The following TRMT11 variants were observed in gnomAD, a reference collection of about 807,000 sequenced individuals.
TRMT11 encodes the protein tRNA methyltransferase 11.
Under a neutral mutation model 62.8 loss-of-function variants are expected in TRMT11, and 53 were observed. The ratio of observed to expected loss-of-function variants is 0.84; its 90% CI spans 0.68 to 1.06. The LOEUF is 1.06. Ranked by LOEUF, TRMT11 falls within the 50% of genes least tolerant of loss-of-function variation. The pLI, the probability that TRMT11 is intolerant of heterozygous loss-of-function variation, is 0.00. For synonymous variants in TRMT11, 188 were observed against 190.3 expected, an observed-to-expected ratio of 0.99 and a Z score of 0.10; for missense variants, 556 against 553.4, an observed-to-expected ratio of 1.00 and a Z score of -0.05.
intron 11 of TRMT11, among the ~76,000 whole-genome samples, chr6:126,017,824 A>G (rs546359172): frequency 4.6e-5 from 7 of 152,354 alleles, no homozygotes; most frequent in Admixed American, 4.6e-4. Flanking sequence ...CTACTTACAA[A>G]TGACCCAGAT....
intron 17 of TRMT11, among the ~76,000 whole-genome samples, chr6:126,077,666 T>C (rs550193513): frequency 6.6e-6 from 1 of 152,316 alleles, no homozygotes; most frequent in African/African-American, 2.4e-5. Context: ...ACAACATCTG[T>C]TGTCAACCAA....
chr6:126,011,109 G>C (rs1320520387), intron 8 of TRMT11, 144 bp from the exon 9 acceptor site: 6 of 601,998 alleles, frequency 1.0e-5, no homozygotes, highest in Non-Finnish European at 1.7e-5. Context: ...CTATTTACTT[G>C]TATACATAAA....
intron 11 of TRMT11, among the ~76,000 whole-genome samples, chr6:126,016,332 G>A (rs1454458276): frequency 6.6e-6 from 1 of 152,128 alleles, no homozygotes; most frequent in Non-Finnish European, 1.5e-5. Context: ...TGCTCAAATT[G>A]TCCCAGATTT....
In TRMT11 at chr6:126,061,440, A is replaced by G. The variant is rs1776532577; in HGVS notation, c.*1437+8250A>G. Among the ~76,000 whole-genome samples, 4 of 152,296 alleles carry G rather than the reference A, an allele frequency of 2.6e-5. No homozygotes were observed. The South Asian group carries it at 8.3e-4, about 32-fold the overall frequency. On this transcript the variant is annotated intron_variant and NMD_transcript_variant, in intron 17 of 22. Coordinates refer to the TRMT11 transcript ENST00000648977. ...AGTAAAATGGCCTGCTTTCTCTGAA[A>G]TCATTTGTCTTGCCTCTCAGTAAAT...
At chr6:126,009,440 G>T (rs1177123502) in intron 8 of TRMT11, 1 of 151,974 alleles carries the variant, frequency 6.6e-6, no homozygotes, top group Non-Finnish European at 1.5e-5. Flanking sequence ...TAATGGTATT[G>T]AAAATGTCAT....
intron 21 of TRMT11, among the ~76,000 whole-genome samples, chr6:126,127,003 C>T (rs978237167): frequency 1.3e-5 from 2 of 152,076 alleles, no homozygotes; most frequent in Admixed American, 6.6e-5. Flanking sequence ...CTAATTTCTT[C>T]AAGAGATATA....
At chr6:126,082,943 AT>A (rs1244615522) in intron 17 of TRMT11, among the ~76,000 whole-genome samples, 3 of 152,184 alleles carry the variant, frequency 2.0e-5, no homozygotes, top group African/African-American at 4.8e-5. Flanking sequence ...TGAGAAAAAA[AT>A]ATTTGCAAAC....
chr6:126,024,002 A>G lies in TRMT11; in HGVS notation c.1260+2722A>G, dbSNP rs370884397. Among the ~76,000 whole-genome samples the G allele has an allele frequency of 2.6e-5, 4 of 152,264 alleles. No homozygotes were observed. The South Asian group carries it at 6.2e-4, about 24-fold the overall frequency. On this transcript the variant is annotated intron_variant, in intron 12 of 12. Coordinates refer to ENST00000334379, the MANE Select transcript of TRMT11 (RefSeq NM_001031712.3). ...TTGAATTGGAAATGGCTTTGAAAAA[A>G]GTAATTGCAATCTAGGTTTTTGCAC...
rs1434313970 is a variant in TRMT11 at position 126,089,347 on chromosome 6, C to T, written c.*1438-23519C>T. Among the ~76,000 whole-genome samples, 5 of 152,104 alleles carry T rather than the reference C, an allele frequency of 3.3e-5. No individual in the cohort carries two copies. In the East Asian group the frequency reaches 5.8e-4, roughly 18 times the overall value. ...CAGGCTGGTCTTGAACTCCTGACCT[C>T]GGGATCCGCCTGTCTCGGCCTCCCA... On this transcript the variant is annotated intron_variant and NMD_transcript_variant, in intron 17 of 22. Coordinates refer to the TRMT11 transcript ENST00000648977.
chr6:126,110,760 G>GA (rs1193163761), intron 17 of TRMT11, among the ~76,000 whole-genome samples: 3 of 152,072 alleles, frequency 2.0e-5, no homozygotes, highest in Non-Finnish European at 4.4e-5. Context: ...ATGCAACTAG[G>GA]AAAATGAAGT....
At chr6:126,228,467 C>T in the TRMT11 span, among the ~76,000 whole-genome samples, 2 of 152,198 alleles carry the variant, frequency 1.3e-5, no homozygotes. Flanking sequence ...AAACCTACTC[C>T]AAGCCTGATA....
chr6:126,066,566 C>T (rs1268200779), intron 17 of TRMT11, among the ~76,000 whole-genome samples: 1 of 152,160 alleles, frequency 6.6e-6, no homozygotes, highest in Non-Finnish European at 1.5e-5. Context: ...CTCATGACCT[C>T]ATTTAACTCT....
At chr6:126,214,825 T>C in the TRMT11 span, among the ~76,000 whole-genome samples, 7 of 151,940 alleles carry the variant, frequency 4.6e-5, no homozygotes, top group Non-Finnish European at 2.9e-5. Flanking sequence ...CACATTTAGG[T>C]TGTTTATTTG....
chr6:126,032,718 T>A (rs1774437365), intron 12 of TRMT11, among the ~76,000 whole-genome samples: 1 of 152,200 alleles, frequency 6.6e-6, no homozygotes, highest in Non-Finnish European at 1.5e-5. Context: ...TTAATGTCTG[T>A]CTCTCCCACC....
chr6:126,108,539 C>A (rs1777489879), intron 17 of TRMT11, among the ~76,000 whole-genome samples: 1 of 152,168 alleles, frequency 6.6e-6, no homozygotes, highest in African/African-American at 2.4e-5. Flanking sequence ...TTATCACACT[C>A]ATTTTAGAGA....
At chr6:126,215,486 G>T in the TRMT11 span, among the ~76,000 whole-genome samples, 1 of 151,828 alleles carries the variant, frequency 6.6e-6, no homozygotes, top group African/African-American at 2.4e-5. Flanking sequence ...AATCTATTTT[G>T]TCTGATATAA....
At chr6:126,186,630 G>A (rs1447979144) in intron 1 of TRMT11, among the ~76,000 whole-genome samples, 1 of 152,036 alleles carries the variant, frequency 6.6e-6, no homozygotes, top group Non-Finnish European at 1.5e-5. Context: ...CACTCAAGTT[G>A]ATTGTGAAAC....
intron 21 of TRMT11, among the ~76,000 whole-genome samples, chr6:126,151,075 G>T (rs773847364): frequency 6.6e-6 from 1 of 152,196 alleles, no homozygotes; most frequent in Non-Finnish European, 1.5e-5. Flanking sequence ...TTTTCTACCT[G>T]TTAACCTTTG....
At chr6:126,171,758 G>A (rs957227925) in intron 21 of TRMT11, among the ~76,000 whole-genome samples, 8 of 151,894 alleles carry the variant, frequency 5.3e-5, no homozygotes, top group Admixed American at 2.6e-4. Flanking sequence ...CGCTCTTGTC[G>A]CCCAGGCTGG....
Sources: gnomAD v4.1 joint callset for allele counts (sites outside exome capture counted in the v4.1 genomes callset) on GRCh38, gnomAD v4.1.1 for gene constraint, MANE v1.5 for transcripts, NCBI Gene and HGNC (gene_info 2026-07-23, HGNC 2026-07-21) for gene names.